The following VAV2 variants were observed in gnomAD, a reference collection of about 807,000 sequenced individuals.
The protein encoded by VAV2 is guanine nucleotide exchange factor VAV2.
VAV2 carries 67 observed loss-of-function variants against 132.5 expected under a neutral mutation model. The ratio of observed to expected loss-of-function variants is 0.51; its 90% confidence interval spans 0.42 to 0.62. The LOEUF is 0.62. Among genes scored for constraint, VAV2 ranks in the 20% least tolerant of loss-of-function variants. The probability of loss-of-function intolerance (pLI) is 0.00; values close to 1 mark genes in which losing one functional copy is unlikely to be tolerated. For missense variants in VAV2, 938 were observed against 1,153.6 expected (o/e 0.81, Z 2.71); for synonymous variants, 492 against 443.5 (o/e 1.11, Z -1.37).
At position 133,919,466 on chromosome 9, in the gene VAV2, G is replaced by A. The variant is rs374937801; in HGVS notation, c.321+19637C>T. On this transcript the variant is annotated intron_variant, in intron 2 of 29. Coordinates refer to ENST00000371850, the MANE Select transcript of VAV2 (RefSeq NM_001134398.2). The surrounding 1 kb of genome is among the most constrained non-coding windows in gnomAD (Gnocchi z 5.8). ...CTGGGTGAGGGGTTCCAGGAGCCCA[G>A]GTGTCCCGGCTCCCAGCCCAGGGAC... Among the ~76,000 whole-genome samples the A allele has an allele frequency of 1.3e-5, 2 of 152,170 alleles. No individual in the cohort carries two copies. Among genetic ancestry groups the A allele is most frequent in the East Asian group, 3.9e-4 (2 of 5,180 alleles).
chr9:133,777,406 A>G lies in VAV2; in HGVS notation c.1948T>C (p.Cys650Arg). Residue 650 changes from cysteine (C) to arginine (R), a missense_variant, in exon 23 of 30, where the codon TGC becomes CGC. Physicochemically the swap from Cys to Arg is radical, Grantham distance 180. Transcript: ENST00000371850. Reference sequence around the variant, plus strand: ...GGACTCACCCTTCCATCCACAGGGCAGGGCTTCACAGATGAGCTGGGGAAA... The same window carrying G: ...GGACTCACCCTTCCATCCACAGGGCGGGGCTTCACAGATGAGCTGGGGAAA... ...GYFPSSSVKP[C>R]PVDGRPPISR... The G allele has an allele frequency of 6.2e-7, 1 of 1,613,812 alleles. No homozygotes were observed. The highest frequency in any genetic ancestry group is 1.1e-5 in the South Asian group (1 of 91,082).
At chr9:133,835,699 C>G (rs1208961875) in intron 3 of VAV2, among the ~76,000 whole-genome samples, 1 of 152,200 alleles carries the variant, frequency 6.6e-6, no homozygotes. Flanking sequence ...AGCCCGAGAT[C>G]CAGCAGGGAC....
In VAV2 at chr9:133,779,899, C is replaced by T; in HGVS notation, c.1762+19G>A. 1 of 1,610,496 alleles carries T rather than the reference C, an allele frequency of 6.2e-7. No homozygotes were observed. Among genetic ancestry groups the T allele is most frequent in the South Asian group, 1.1e-5 (1 of 90,590 alleles). On this transcript the variant is annotated intron_variant, in intron 21 of 29. Coordinates refer to ENST00000371850, the MANE Select transcript of VAV2 (RefSeq NM_001134398.2). ...GCTGACATGGGTGATAGCAGAGGGC[C>T]CAGGTCCAGAAGACTCACCTGGTCC...
At chr9:133,954,369 G>A (rs1040206028) in intron 1 of VAV2, among the ~76,000 whole-genome samples, 4 of 152,244 alleles carry the variant, frequency 2.6e-5, no homozygotes, top group African/African-American at 9.6e-5. Flanking sequence ...AAGGCACAAG[G>A]AGGAGCAAGT....
intron 3 of VAV2, among the ~76,000 whole-genome samples, chr9:133,842,391 C>T (rs183121030): frequency 1.6e-4 from 25 of 152,350 alleles, no homozygotes; most frequent in Non-Finnish European, 1.0e-4. Context: ...CAGGCAGAGC[C>T]TCGAGTTACA....
rs1840541347 is a variant in VAV2, at chr9:133,928,088, G to A, written c.321+11015C>T. Among the ~76,000 whole-genome samples, 1 of 152,110 alleles carries A rather than the reference G, an allele frequency of 6.6e-6. No individual in the cohort carries two copies. Reference sequence around the variant, plus strand: ...GAAGTTAATGACGGGCATGGCTCCCGCCTGGAAAGGAAAGCAGAGAAAAAC... The same window carrying A: ...GAAGTTAATGACGGGCATGGCTCCCACCTGGAAAGGAAAGCAGAGAAAAAC... On this transcript the variant is annotated intron_variant, in intron 2 of 29. Transcript: ENST00000371850. This position sits in a 1 kb window ranked among gnomAD's most constrained non-coding sequence, Gnocchi z 5.4.
chr9:133,913,659 A>G (rs1201543921), intron 2 of VAV2, among the ~76,000 whole-genome samples: 1 of 152,244 alleles, frequency 6.6e-6, no homozygotes, highest in East Asian at 1.9e-4. Flanking sequence ...AGTTTTCTGA[A>G]GACCTACAGG....
rs80078712 is a variant in VAV2, at chr9:133,775,213, G to A, written c.2019-162C>T. Among the ~76,000 whole-genome samples, 819 of 152,250 alleles carry A rather than the reference G, an allele frequency of 5.4e-3. 13 individuals carry two copies. Among genetic ancestry groups the A allele is most frequent in the African/African-American group, 0.018 (751 of 41,544 alleles). On this transcript the variant is annotated intron_variant, in intron 24 of 29. Transcript: ENST00000371850. ...GAGAACAGGCTGGGTCCCTATGAGCGGGGCACCACTGTGGATGGGGTCTGG... is the reference window on the plus strand; with the variant it reads ...GAGAACAGGCTGGGTCCCTATGAGCAGGGCACCACTGTGGATGGGGTCTGG...
rs1840568949 is a variant in VAV2, at chr9:133,928,674, G to C, written c.321+10429C>G. Among the ~76,000 whole-genome samples the C allele has an allele frequency of 6.6e-6, 1 of 152,176 alleles. No individual in the cohort carries two copies. Among genetic ancestry groups the C allele is most frequent in the Non-Finnish European group, 1.5e-5 (1 of 68,034 alleles). On this transcript the variant is annotated intron_variant, in intron 2 of 29. Coordinates refer to ENST00000371850, the MANE Select transcript of VAV2 (RefSeq NM_001134398.2). The surrounding 1 kb of genome is among the most constrained non-coding windows in gnomAD (Gnocchi z 5.4). ...CTCGGGGCCTGGGTGTGGAGATAAG[G>C]GGTGCTGGATCAATACCCCAAGGTT...
At position 133,892,814 on chromosome 9, in the gene VAV2, G is replaced by A. The variant is rs549825553; in HGVS notation, c.322-31382C>T. 3.3e-5 allele frequency among the ~76,000 whole-genome samples: 5 copies of A among 152,300 alleles called. No individual in the cohort carries two copies. The East Asian group carries it at 5.8e-4, about 18-fold the overall frequency. On this transcript the variant is annotated intron_variant, in intron 2 of 29. Coordinates refer to ENST00000371850, the MANE Select transcript of VAV2 (RefSeq NM_001134398.2). ...CTTCAGCTCAGAGGCCATTGCAGAC[G>A]AGAAAAGCGGACCTGGCCCAGCCTT...
chr9:133,781,375 A>T (rs150170166), intron 19 of VAV2, among the ~76,000 whole-genome samples: 1 of 152,204 alleles, frequency 6.6e-6, no homozygotes, highest in East Asian at 1.9e-4. Flanking sequence ...GCTCACACAC[A>T]TCGCTGACGT....
intron 2 of VAV2, among the ~76,000 whole-genome samples, chr9:133,886,924 C>T (rs1358186628): frequency 2.0e-5 from 3 of 152,238 alleles, no homozygotes; most frequent in Non-Finnish European, 4.4e-5. Flanking sequence ...GCACAGGAGG[C>T]CCAGGGGCAG....
At position 133,794,187 on chromosome 9, in the gene VAV2, T is replaced by A. The variant is rs1296677400; in HGVS notation, c.1101+1481A>T. Among the ~76,000 whole-genome samples the A allele has an allele frequency of 6.6e-6, 1 of 151,992 alleles. No homozygotes were observed. The highest frequency in any genetic ancestry group is 1.5e-5 in the Non-Finnish European group (1 of 67,988). ...CTGTCTCAGAGCCCCCGAGGACGCA[T>A]CCACGCTGGCTCACACACCGTGGCT... On this transcript the variant is annotated intron_variant, in intron 12 of 29. Coordinates refer to ENST00000371850, the MANE Select transcript of VAV2 (RefSeq NM_001134398.2). This position sits in a 1 kb window ranked among gnomAD's most constrained non-coding sequence, Gnocchi z 4.6.
At position 133,770,287 on chromosome 9, in the gene VAV2, G is replaced by T. The variant is rs590614; in HGVS notation, c.2347+91C>A. The T allele has an allele frequency of 1.5e-4, 240 of 1,573,892 alleles. 1 individual carries two copies. In the African/African-American group the frequency reaches 3.0e-3, roughly 20 times the overall value. ...TCCCCAGGGTGGGACTCCTGGTCTG[G>T]GTCTGTGAGGGCAGGATCTGAGCCC... On this transcript the variant is annotated intron_variant, in intron 27 of 29. Coordinates refer to ENST00000371850, the MANE Select transcript of VAV2 (RefSeq NM_001134398.2).
intron 3 of VAV2, among the ~76,000 whole-genome samples, chr9:133,845,396 G>A (rs1188360859): frequency 6.6e-6 from 1 of 152,244 alleles, no homozygotes; most frequent in African/African-American, 2.4e-5. Context: ...CCTACTCGGA[G>A]AGCTGGGGTG....
chr9:133,796,347 AC>A lies in VAV2; in HGVS notation c.1032+81del. The A allele has an allele frequency of 3.2e-6, 4 of 1,247,858 alleles. No individual in the cohort carries two copies. In the South Asian group the frequency reaches 5.4e-5, roughly 17 times the overall value. 77.3% of individuals were successfully genotyped at this position (1,247,858 alleles called of 1,614,324 possible). ...CAACTTAATCTGTCTGTGGGCTGCA[AC>A]CTATACCCCCTGGAAGCTGCCAGCC... On this transcript the variant is annotated intron_variant, in intron 11 of 29. Transcript: ENST00000371850.
intron 1 of VAV2, among the ~76,000 whole-genome samples, chr9:133,952,971 G>A (rs931107262): frequency 4.2e-5 from 6 of 142,940 alleles, no homozygotes; most frequent in South Asian, 2.3e-4. Flanking sequence ...CATGGCCCCC[G>A]GGACACCTAG....
chr9:133,989,633 T>C (rs568025620), intron 1 of VAV2, among the ~76,000 whole-genome samples: 75 of 148,526 alleles, frequency 5.0e-4, no homozygotes, highest in African/African-American at 1.8e-3. Flanking sequence ...TGCAGTGAGC[T>C]GAGATTGCGC....
chr9:133,821,794 G>C (rs907761820), intron 4 of VAV2, among the ~76,000 whole-genome samples: 1 of 152,174 alleles, frequency 6.6e-6, no homozygotes, highest in African/African-American at 2.4e-5. Context: ...AGGCAGGAAT[G>C]TGGAAGCCCA....
Sources: allele counts gnomAD v4.1 joint callset (sites outside exome capture counted in the v4.1 genomes callset), GRCh38; gene constraint gnomAD v4.1.1; non-coding constraint Gnocchi (gnomAD v3.1); transcripts MANE v1.5; gene names NCBI Gene and HGNC (gene_info 2026-07-23, HGNC 2026-07-21).